PZP: variants seen among roughly 807,000 people sequenced by gnomAD.
PZP encodes the protein pregnancy zone protein.
In PZP, 150 loss-of-function variants were observed where a neutral mutation model predicts 179.8. That is an observed-to-expected ratio of 0.83 (90% CI 0.73 to 0.96). PZP has a LOEUF of 0.96. Among genes scored for constraint, PZP ranks in the 40% least tolerant of loss-of-function variants. The pLI, the probability that PZP is intolerant of heterozygous loss-of-function variation, is 0.00. For synonymous variants in PZP, 624 were observed against 652.3 expected (o/e 0.96, Z 0.66); for missense variants, 1,689 against 1,764.0 (o/e 0.96, Z 0.76).
intron 22 of PZP, 173 bp downstream of exon 22, chr12:9,162,424 T>C: frequency 1.7e-6 from 1 of 592,144 alleles, no homozygotes; most frequent in Non-Finnish European, 3.0e-6. Context: ...TAACTTGCTC[T>C]CTTGGGCTCA....
At chr12:9,137,719 A>G in the PZP span, among the ~76,000 whole-genome samples, 17 of 152,072 alleles carry the variant, frequency 1.1e-4, no homozygotes, top group East Asian at 2.1e-3. Flanking sequence ...TTGTTTCCAG[A>G]CACAGGTCTT....
chr12:9,178,082 A>G (rs1942508715), intron 15 of PZP, among the ~76,000 whole-genome samples: 1 of 152,260 alleles, frequency 6.6e-6, no homozygotes, highest in African/African-American at 2.4e-5. Flanking sequence ...TGTTAATAAA[A>G]TACAAATCAA....
chr12:9,171,925 A>G (rs1340334668), intron 15 of PZP, among the ~76,000 whole-genome samples: 3 of 152,242 alleles, frequency 2.0e-5, no homozygotes, highest in Non-Finnish European at 4.4e-5. Context: ...ACTTCAGGAT[A>G]TCATCCAGGA....
At chr12:9,181,243 A>G in intron 14 of PZP, 111 bp from the exon 15 acceptor site, 5 of 1,353,322 alleles carry the variant, frequency 3.7e-6, no homozygotes, top group Non-Finnish European at 5.1e-6. Context: ...CTATGTTGGT[A>G]ATGTCAGTCA....
chr12:9,187,680 C>T lies in PZP; in HGVS notation c.1546+4513G>A, dbSNP rs751111600. On this transcript the variant is annotated intron_variant, in intron 13 of 35. Coordinates refer to ENST00000261336, the MANE Select transcript of PZP (RefSeq NM_002864.3). Reference sequence around the variant, plus strand: ...CAGAATTTCTGGGACACAGCTAAGGCGGTGTTAAGAGGGAAACTTATAGCA... The same window carrying T: ...CAGAATTTCTGGGACACAGCTAAGGTGGTGTTAAGAGGGAAACTTATAGCA... Among the ~76,000 whole-genome samples the T allele has an allele frequency of 1.8e-4, 27 of 152,258 alleles. No homozygotes were observed. The East Asian group carries it at 4.4e-3, about 25-fold the overall frequency.
chr12:9,165,628 T>C (rs1488985847), intron 18 of PZP, among the ~76,000 whole-genome samples: 4 of 152,168 alleles, frequency 2.6e-5, no homozygotes, highest in Non-Finnish European at 4.4e-5. Flanking sequence ...TGAATTGCGA[T>C]TCATTTTAGT....
In PZP at chr12:9,174,230, A is replaced by G. The variant is rs375557309; in HGVS notation, c.1840-4639T>C. 7.2e-5 allele frequency among the ~76,000 whole-genome samples: 11 copies of G among 152,334 alleles called. No homozygotes were observed. In the East Asian group the frequency reaches 2.1e-3, roughly 29 times the overall value. ...AAACAGAACTAAAGACAAAAACCAC[A>G]TGGTTATCTCAATAGGTGCAGAAAA... On this transcript the variant is annotated intron_variant, in intron 15 of 35. Transcript: ENST00000261336.
intron 12 of PZP, 93 bp downstream of exon 12, chr12:9,192,419 G>A: frequency 7.6e-7 from 1 of 1,312,886 alleles, no homozygotes; most frequent in Non-Finnish European, 1.1e-6. Flanking sequence ...CAAGGTGGCT[G>A]TGTGCAAGTA....
In PZP at chr12:9,203,932, G is replaced by C. The variant is rs1944319110; in HGVS notation, c.103C>G (p.Pro35Ala). Reference sequence around the variant, plus strand: ...GGGGCCTCAGTGTGGAGCAGGGAGGGGACCAGCACCATATACTGCCTGGGA... The same window carrying C: ...GGGGCCTCAGTGTGGAGCAGGGAGGCGACCAGCACCATATACTGCCTGGGA... ...STEPQYMVLV[P>A]SLLHTEAPKK... Residue 35 changes from proline to alanine, a missense_variant, in exon 2 of 36, where the codon CCC becomes GCC. By Grantham distance (27) the Pro-to-Ala change is conservative. Transcript: ENST00000261336. 2 of 1,613,244 alleles carry C rather than the reference G, an allele frequency of 1.2e-6. No homozygotes were observed. The highest frequency in any genetic ancestry group is 3.3e-5 in the Admixed American group (2 of 59,968).
downstream of PZP, among the ~76,000 whole-genome samples, chr12:9,144,904 A>G (rs1939928106): frequency 3.3e-5 from 5 of 152,330 alleles, no homozygotes; most frequent in Non-Finnish European, 7.3e-5. Context: ...GTTAGCCATT[A>G]GGCCAATGCC....
rs1944227966 is a variant in PZP at position 9,202,580 on chromosome 12, G to A, written c.372C>T (p.Thr124=). ...CTGTCTGGACAAAGACCAGACTTTG[G>A]GTGTTCAGTACCAGAACTGTGTTCC... is the stretch of plus-strand genomic sequence containing the variant. The part of the protein sequence containing the change: ...RKRNTVLVLN[T]QSLVFVQTDK... Residue 124 remains threonine (T), a synonymous_variant, in exon 3 of 36, where the codon ACC becomes ACT. Coordinates refer to ENST00000261336, the MANE Select transcript of PZP (RefSeq NM_002864.3). The A allele has an allele frequency of 1.9e-6, 3 of 1,613,906 alleles. No homozygotes were observed. The highest frequency in any genetic ancestry group is 2.5e-6 in the Non-Finnish European group (3 of 1,180,008).
intron 34 of PZP, among the ~76,000 whole-genome samples, chr12:9,149,876 C>G (rs768271225): frequency 7.9e-5 from 12 of 152,274 alleles, no homozygotes; most frequent in Non-Finnish European, 1.3e-4. Flanking sequence ...CTGTAGTTCT[C>G]TCTTCCATGA....
chr12:9,196,805 C>A (rs1943801411), intron 8 of PZP, 120 bp from the exon 9 acceptor site: 10 of 855,420 alleles, frequency 1.2e-5, no homozygotes, highest in East Asian at 2.5e-5. Flanking sequence ...GTTAATTGAC[C>A]TTCGAGAACT....
downstream of PZP, chr12:9,148,775 A>G (rs1007756702): frequency 1.4e-5 from 7 of 513,194 alleles, no homozygotes; most frequent in Non-Finnish European, 2.0e-5. Context: ...AATTAAACAG[A>G]AAGAATATAA....
intron 11 of PZP, among the ~76,000 whole-genome samples, 182 bp from the exon 12 acceptor site, chr12:9,192,921 A>G (rs1943543046): frequency 6.6e-6 from 1 of 152,202 alleles, no homozygotes; most frequent in South Asian, 2.1e-4. Flanking sequence ...TTAAAAGGAA[A>G]TCATCCACAA....
downstream of PZP, among the ~76,000 whole-genome samples, chr12:9,144,053 C>T (rs779985126): frequency 6.6e-6 from 1 of 152,240 alleles, no homozygotes; most frequent in South Asian, 2.1e-4. Flanking sequence ...TTCCCGGGTA[C>T]CATGAGAAAG....
At chr12:9,159,159 C>T (rs897889512) in intron 25 of PZP, among the ~76,000 whole-genome samples, 1 of 152,056 alleles carries the variant, frequency 6.6e-6, no homozygotes. Flanking sequence ...TTTTCTAACA[C>T]CTCTTAGGGC....
chr12:9,143,709 T>A, the PZP span, among the ~76,000 whole-genome samples: 61 of 152,208 alleles, frequency 4.0e-4, no homozygotes, highest in East Asian at 3.9e-3. Flanking sequence ...CCATTAGCTG[T>A]CATTATCTAA....
At chr12:9,206,081 T>C (rs1944425675) in intron 1 of PZP, among the ~76,000 whole-genome samples, 1 of 152,218 alleles carries the variant, frequency 6.6e-6, no homozygotes. Context: ...AACTCACTGA[T>C]AGTCATTCAG....
Sources: gnomAD v4.1 joint callset for allele counts (sites outside exome capture counted in the v4.1 genomes callset) on GRCh38, gnomAD v4.1.1 for gene constraint, MANE v1.5 for transcripts, NCBI Gene and HGNC (gene_info 2026-07-23, HGNC 2026-07-21) for gene names.